Variants in RIMBP2 observed in about 807,000 individuals in gnomAD.
The protein encoded by RIMBP2 is RIMS-binding protein 2.
In RIMBP2, 48 loss-of-function variants were observed where a neutral mutation model predicts 118.6. The ratio of observed to expected loss-of-function variants is 0.40; its 90% CI spans 0.32 to 0.51. The LOEUF (loss-of-function observed/expected upper bound fraction) is 0.51. RIMBP2 is among the 20% of genes least tolerant of loss of function. RIMBP2 has a pLI of 0.41. For missense variants in RIMBP2, 1,551 were observed against 1,768.3 expected, an observed-to-expected ratio of 0.88 and a Z score of 2.20; for synonymous variants, 762 against 742.9, an observed-to-expected ratio of 1.03 and a Z score of -0.42.
intron 6 of RIMBP2, among the ~76,000 whole-genome samples, chr12:130,463,961 G>A (rs184339575): frequency 4.2e-4 from 63 of 151,644 alleles, no homozygotes; most frequent in African/African-American, 7.7e-4. Context: ...TAATGCATTG[G>A]CTGCTAAAAG....
chr12:130,573,391 C>T (rs920731186), intron 2 of RIMBP2, among the ~76,000 whole-genome samples: 6 of 100,814 alleles, frequency 6.0e-5, no homozygotes, highest in Admixed American at 5.0e-4. Flanking sequence ...TAAGTGTTCG[C>T]GCGTGTGTGT....
chr12:130,690,285 G>A (rs190242608), intron 1 of RIMBP2, among the ~76,000 whole-genome samples: 4 of 152,224 alleles, frequency 2.6e-5, no homozygotes, highest in Non-Finnish European at 5.9e-5. Context: ...GAGAGACATC[G>A]TCCCATCCAC....
At chr12:130,550,974 T>C (rs1421136103) in intron 2 of RIMBP2, among the ~76,000 whole-genome samples, 1 of 152,232 alleles carries the variant, frequency 6.6e-6, no homozygotes, top group Non-Finnish European at 1.5e-5. Flanking sequence ...CCTGTGTGTC[T>C]AAAATGTGGT....
chr12:130,591,411 G>A (rs2059255555), intron 2 of RIMBP2, among the ~76,000 whole-genome samples: 1 of 152,216 alleles, frequency 6.6e-6, no homozygotes, highest in Non-Finnish European at 1.5e-5. Context: ...CCTGGGTGTT[G>A]AAGGCACTGT....
intron 21 of RIMBP2, among the ~76,000 whole-genome samples, chr12:130,401,650 C>G (rs1340910489): frequency 3.9e-5 from 6 of 151,932 alleles, no homozygotes; most frequent in African/African-American, 1.2e-4. Flanking sequence ...ACATTACAGA[C>G]TATTTCTAGG....
At chr12:130,428,898 C>A (rs1021923772) in intron 14 of RIMBP2, 1 of 152,294 alleles carries the variant, frequency 6.6e-6, no homozygotes, top group Non-Finnish European at 1.5e-5. Flanking sequence ...GAGATCGAGA[C>A]CATCCTGGCT....
intron 1 of RIMBP2, among the ~76,000 whole-genome samples, chr12:130,676,900 C>T (rs11061079): frequency 0.21 from 31,345 of 151,944 alleles, 3,347 homozygotes; most frequent in East Asian, 0.3. Flanking sequence ...AGGAGGGAAC[C>T]CTTAGGGGTG....
intron 1 of RIMBP2, among the ~76,000 whole-genome samples, chr12:130,705,759 G>A (rs970103931): frequency 6.6e-6 from 1 of 152,254 alleles, no homozygotes; most frequent in African/African-American, 2.4e-5. Flanking sequence ...GACAGGGCAG[G>A]CCCAGTGCCC....
intron 3 of RIMBP2, 104 bp from the exon 4 acceptor site, chr12:130,506,874 G>C (rs1308180681): frequency 1.2e-6 from 1 of 856,194 alleles, no homozygotes; most frequent in African/African-American, 1.8e-5. Context: ...TCCTCCTAGA[G>C]AATCCTTCCC....
intron 1 of RIMBP2, among the ~76,000 whole-genome samples, chr12:130,676,384 G>T (rs1272623324): frequency 6.6e-6 from 1 of 150,604 alleles, no homozygotes; most frequent in African/African-American, 2.4e-5. Context: ...CAGCACTTTC[G>T]GAGGCCAAGG....
rs199622038 is a variant in RIMBP2 at position 130,609,362 on chromosome 12, A to AT, written c.-217+18959dup. Among the ~76,000 whole-genome samples the AT allele has an allele frequency of 2.6e-5, 4 of 152,242 alleles. No homozygotes were observed. The South Asian group carries it at 8.3e-4, about 32-fold the overall frequency. On this transcript the variant is annotated intron_variant, in intron 2 of 22. Transcript: ENST00000690449. ...CTACACAACGGAATGCTGTTCAGCCATTTTAAAAAAAAATGAAATCCTGAC... is the reference window on the plus strand; with the variant it reads ...CTACACAACGGAATGCTGTTCAGCCATTTTTAAAAAAAAATGAAATCCTGAC...
At chr12:130,588,440 C>T (rs1207098684) in intron 2 of RIMBP2, among the ~76,000 whole-genome samples, 1 of 152,224 alleles carries the variant, frequency 6.6e-6, no homozygotes, top group East Asian at 1.9e-4. Context: ...CAAACAGCAG[C>T]CATTAAAATA....
At chr12:130,700,363 T>C (rs1223078092) in intron 1 of RIMBP2, among the ~76,000 whole-genome samples, 1 of 152,052 alleles carries the variant, frequency 6.6e-6, no homozygotes. Flanking sequence ...ACCACGGCAG[T>C]GGACTGAGGA....
At chr12:130,700,231 C>T (rs1027514971) in intron 1 of RIMBP2, among the ~76,000 whole-genome samples, 2 of 152,172 alleles carry the variant, frequency 1.3e-5, no homozygotes, top group African/African-American at 4.8e-5. Flanking sequence ...AAGACCCACA[C>T]AGCCCCAGGC....
intron 2 of RIMBP2, among the ~76,000 whole-genome samples, chr12:130,626,891 C>A (rs1226842368): frequency 1.3e-5 from 2 of 151,484 alleles, no homozygotes; most frequent in African/African-American, 4.9e-5. Context: ...ACGACTACTG[C>A]CGGCATCACC....
intron 2 of RIMBP2, among the ~76,000 whole-genome samples, chr12:130,605,326 C>G (rs2060119720): frequency 1.3e-5 from 2 of 152,256 alleles, no homozygotes; most frequent in South Asian, 4.1e-4. Flanking sequence ...GGTCTGGTCT[C>G]TTCAATAAGT....
intron 1 of RIMBP2, among the ~76,000 whole-genome samples, chr12:130,648,838 T>C (rs1020793708): frequency 6.9e-6 from 1 of 145,150 alleles, no homozygotes; most frequent in African/African-American, 2.5e-5. Context: ...GTATTTTTAG[T>C]AGGGACAGGG....
intron 2 of RIMBP2, among the ~76,000 whole-genome samples, chr12:130,609,803 G>C (rs1050102588): frequency 6.6e-6 from 1 of 152,144 alleles, no homozygotes; most frequent in African/African-American, 2.4e-5. Flanking sequence ...GACTGGTTGA[G>C]GCCCAGAGTC....
At chr12:130,528,597 C>T (rs1056729625) in intron 2 of RIMBP2, among the ~76,000 whole-genome samples, 31 of 152,150 alleles carry the variant, frequency 2.0e-4, no homozygotes, top group African/African-American at 7.5e-4. Flanking sequence ...GCACATGTAC[C>T]CCATAACTTA....
Sources: allele counts gnomAD v4.1 joint callset (sites outside exome capture counted in the v4.1 genomes callset), GRCh38; gene constraint gnomAD v4.1.1; transcripts MANE v1.5; gene names NCBI Gene and HGNC (gene_info 2026-07-23, HGNC 2026-07-21).